The following ATP2B2 variants were observed in gnomAD, a reference collection of about 807,000 sequenced individuals.
The protein encoded by ATP2B2 is plasma membrane calcium-transporting ATPase 2.
A neutral mutation model predicts 120.0 loss-of-function variants in ATP2B2; 15 were observed. The ratio of observed to expected loss-of-function variants is 0.12; its 90% CI spans 0.08 to 0.19. The LOEUF is 0.19. Ranked by LOEUF, ATP2B2 falls within the 10% of genes least tolerant of loss-of-function variation. ATP2B2 has a pLI of 1.00. For missense variants in ATP2B2, 1,045 were observed against 1,719.8 expected (o/e 0.61, Z 6.94); for synonymous variants, 694 against 700.3 (o/e 0.99, Z 0.14).
intron 2 of ATP2B2, among the ~76,000 whole-genome samples, chr3:10,572,780 G>A (rs1202382533): frequency 6.6e-6 from 1 of 152,138 alleles, no homozygotes; most frequent in African/African-American, 2.4e-5. Context: ...TGTCAGAACT[G>A]GAAGACTTCT....
chr3:10,328,889 C>A lies in ATP2B2; in HGVS notation c.3657G>T (p.Leu1219=), dbSNP rs1476159062. 1 of 1,613,758 alleles carries A rather than the reference C, an allele frequency of 6.2e-7. No individual in the cohort carries two copies. ...TAGCTGATTTGCTTGTGTCGGTCGT[C>A]AGGTTGATCCCACTGTCGATGGCGC... ...NNSAIDSGIN[L]TTDTSKSATS... Residue 1219 remains leucine, a synonymous_variant, in exon 23 of 23, where the codon CTG becomes CTT. Transcript: ENST00000360273.
intron 14 of ATP2B2, among the ~76,000 whole-genome samples, chr3:10,351,089 T>C (rs2060566376): frequency 6.6e-6 from 1 of 152,224 alleles, no homozygotes; most frequent in South Asian, 2.1e-4. Context: ...GGATTTAGAA[T>C]ATGTATAAAG....
intron 2 of ATP2B2, among the ~76,000 whole-genome samples, chr3:10,563,571 G>A (rs970027192): frequency 6.6e-6 from 1 of 152,184 alleles, no homozygotes; most frequent in Admixed American, 6.5e-5. Context: ...CCAGAGGCTG[G>A]GTATCCAGCT....
intron 2 of ATP2B2, among the ~76,000 whole-genome samples, chr3:10,552,950 T>G (rs771222632): frequency 2.6e-5 from 4 of 152,224 alleles, no homozygotes; most frequent in Non-Finnish European, 5.9e-5. Context: ...AGCTAACATC[T>G]CCATTTCGAA....
intron 5 of ATP2B2, among the ~76,000 whole-genome samples, chr3:10,390,669 G>T (rs994462410): frequency 1.4e-4 from 21 of 152,168 alleles, no homozygotes; most frequent in African/African-American, 4.3e-4. Context: ...AGTCATGAAG[G>T]CTCACAGAGG....
chr3:10,630,017 C>T (rs2069818169), intron 1 of ATP2B2, among the ~76,000 whole-genome samples: 1 of 152,210 alleles, frequency 6.6e-6, no homozygotes, highest in Non-Finnish European at 1.5e-5. Context: ...GACAGACTGA[C>T]CTCTCACTGT....
chr3:10,489,246 A>G (rs971814858), intron 1 of ATP2B2, among the ~76,000 whole-genome samples: 5 of 152,108 alleles, frequency 3.3e-5, no homozygotes, highest in African/African-American at 4.8e-5. Context: ...TTTCTCCTTG[A>G]CGATCCACTC....
chr3:10,633,599 G>A (rs2069934983), intron 1 of ATP2B2, among the ~76,000 whole-genome samples: 1 of 152,172 alleles, frequency 6.6e-6, no homozygotes, highest in South Asian at 2.1e-4. Flanking sequence ...ATGAAGGAAG[G>A]CCATGATATT....
intron 1 of ATP2B2, among the ~76,000 whole-genome samples, chr3:10,482,142 G>A (rs1369980808): frequency 5.9e-5 from 9 of 152,246 alleles, no homozygotes; most frequent in South Asian, 2.1e-4. Context: ...GGTGCTTAAT[G>A]TCTAGTTGAG....
At chr3:10,622,232 C>G (rs11706901) in intron 1 of ATP2B2, among the ~76,000 whole-genome samples, 103,014 of 151,996 alleles carry the variant, frequency 0.68, 36,524 homozygotes, top group Middle Eastern at 0.82. Context: ...CTTTATCAGC[C>G]GTGCCCCCAT....
intron 1 of ATP2B2, among the ~76,000 whole-genome samples, chr3:10,497,198 A>G (rs974861156): frequency 1.2e-4 from 19 of 152,222 alleles, no homozygotes; most frequent in African/African-American, 4.3e-4. Flanking sequence ...AGCACTGGTG[A>G]TGTATCTGCT....
chr3:10,506,133 AG>A (rs2066618398), upstream of ATP2B2, among the ~76,000 whole-genome samples: 1 of 152,130 alleles, frequency 6.6e-6, no homozygotes, highest in Admixed American at 6.5e-5. Flanking sequence ...AAAGGGGCAA[AG>A]GTCGCAAATG....
At chr3:10,692,434 G>A (rs545257451) in intron 1 of ATP2B2, among the ~76,000 whole-genome samples, 5 of 152,298 alleles carry the variant, frequency 3.3e-5, no homozygotes, top group Non-Finnish European at 5.9e-5. Flanking sequence ...ACAGGGACCC[G>A]ACAGGAGATG....
intron 1 of ATP2B2, among the ~76,000 whole-genome samples, chr3:10,667,018 C>T (rs2070958093): frequency 6.6e-6 from 1 of 152,240 alleles, no homozygotes; most frequent in African/African-American, 2.4e-5. Flanking sequence ...AGGCAGAGTT[C>T]CCATCCTCAC....
At chr3:10,467,165 T>C (rs2125261487) in intron 1 of ATP2B2, among the ~76,000 whole-genome samples, 1 of 152,332 alleles carries the variant, frequency 6.6e-6, no homozygotes, top group African/African-American at 2.4e-5. Context: ...ACCCTCAACC[T>C]CTACTTTGAT....
At chr3:10,611,144 G>A (rs756331324) in intron 2 of ATP2B2, among the ~76,000 whole-genome samples, 10 of 152,224 alleles carry the variant, frequency 6.6e-5, no homozygotes, top group African/African-American at 1.2e-4. Context: ...CTGTTAGAAC[G>A]GGTGGTTCCC....
At chr3:10,390,830 G>A (rs938410478) in intron 5 of ATP2B2, among the ~76,000 whole-genome samples, 2 of 152,124 alleles carry the variant, frequency 1.3e-5, no homozygotes, top group Non-Finnish European at 2.9e-5. Context: ...CAGGCCTGGT[G>A]GCTTCTCATC....
chr3:10,417,017 C>T (rs1489375148), intron 2 of ATP2B2, among the ~76,000 whole-genome samples: 5 of 143,758 alleles, frequency 3.5e-5, no homozygotes, highest in Non-Finnish European at 7.4e-5. Flanking sequence ...CTCCTCACTT[C>T]CCAGATAGGG....
chr3:10,415,797 C>A (rs1038312683), intron 2 of ATP2B2, among the ~76,000 whole-genome samples: 3 of 152,198 alleles, frequency 2.0e-5, no homozygotes, highest in Non-Finnish European at 4.4e-5. Context: ...ACAAAGGCAG[C>A]GAGGCCCTGA....
Sources: allele counts gnomAD v4.1 joint callset (sites outside exome capture counted in the v4.1 genomes callset), GRCh38; gene constraint gnomAD v4.1.1; transcripts MANE v1.5; gene names NCBI Gene and HGNC (gene_info 2026-07-23, HGNC 2026-07-21).